Variants in SYK observed in about 807,000 individuals in gnomAD.
SYK encodes spleen associated tyrosine kinase, also known as tyrosine-protein kinase SYK.
A neutral mutation model predicts 77.8 loss-of-function variants in SYK; 16 were observed. The observed-to-expected ratio is 0.21, with a 90% CI of 0.14 to 0.31. The LOEUF is 0.31. SYK is among the 10% of genes least tolerant of loss of function. The probability of loss-of-function intolerance (pLI) is 1.00; values close to 1 mark genes in which losing one functional copy is unlikely to be tolerated. For synonymous variants in SYK, 312 were observed against 308.7 expected (o/e 1.01, Z -0.11); for missense variants, 529 against 814.4 (o/e 0.65, Z 4.26).
chr9:90,846,831 C>G (rs1826615961), intron 3 of SYK, among the ~76,000 whole-genome samples: 1 of 152,238 alleles, frequency 6.6e-6, no homozygotes, highest in South Asian at 2.1e-4. Flanking sequence ...GACATTGCCC[C>G]TCAGTGGAGG....
chr9:90,834,453 G>T (rs1480508765), intron 1 of SYK, among the ~76,000 whole-genome samples: 1 of 152,176 alleles, frequency 6.6e-6, no homozygotes, highest in Non-Finnish European at 1.5e-5. Flanking sequence ...GTCACACAAA[G>T]CTGGGCCGGG....
intron 1 of SYK, among the ~76,000 whole-genome samples, chr9:90,808,169 G>T (rs1022090971): frequency 6.6e-6 from 1 of 152,068 alleles, no homozygotes; most frequent in Admixed American, 6.5e-5. Flanking sequence ...AAACCATCAG[G>T]TTAATCTTTA....
intron 3 of SYK, among the ~76,000 whole-genome samples, chr9:90,855,003 C>CAT (rs1826967382): frequency 3.4e-4 from 32 of 94,968 alleles, no homozygotes; most frequent in African/African-American, 1.3e-3. Context: ...CTCACACACA[C>CAT]ACATACATAC....
intron 7 of SYK, among the ~76,000 whole-genome samples, chr9:90,869,877 G>A (rs769884987): frequency 6.6e-6 from 1 of 152,208 alleles, no homozygotes. Flanking sequence ...GGAGGCCGAG[G>A]CAGGTGGATC....
At chr9:90,867,285 G>T (rs56024319) in intron 7 of SYK, 86 bp downstream of exon 7, 32 of 1,347,224 alleles carry the variant, frequency 2.4e-5, no homozygotes, top group Non-Finnish European at 3.1e-5. Context: ...TGCCCTGTGT[G>T]TGCGCTGCCC....
At chr9:90,808,981 T>C (rs1247306487) in intron 1 of SYK, among the ~76,000 whole-genome samples, 1 of 152,224 alleles carries the variant, frequency 6.6e-6, no homozygotes, top group East Asian at 1.9e-4. Flanking sequence ...TAATACTGTT[T>C]TTCATGTTTC....
At chr9:90,819,191 G>C (rs1031263499) in intron 1 of SYK, among the ~76,000 whole-genome samples, 1 of 152,126 alleles carries the variant, frequency 6.6e-6, no homozygotes. Context: ...CACTCAAAAT[G>C]GATAAAGAAT....
Position 90,884,857 on chromosome 9 carries a change from G to A in SYK, c.1582-2892G>A, listed in dbSNP as rs1474495607. 7.5e-5 allele frequency among the ~76,000 whole-genome samples: 4 copies of A among 53,068 alleles called. 1 individual carries two copies. The highest frequency in any genetic ancestry group is 7.3e-4 in the Admixed American group (4 of 5,466). 34.8% of individuals were successfully genotyped at this position (53,068 alleles called of 152,430 possible). ...TGTATATACATATACACACATATGT[G>A]TGTATATACATATATACATATATAC... On this transcript the variant is annotated intron_variant, in intron 11 of 13. Coordinates refer to ENST00000375754, the MANE Select transcript of SYK (RefSeq NM_003177.7).
chr9:90,821,754 AT>A (rs1341496458), intron 1 of SYK, among the ~76,000 whole-genome samples: 2 of 152,042 alleles, frequency 1.3e-5, no homozygotes, highest in South Asian at 4.1e-4. Context: ...TTAGTGCCGT[AT>A]TTTTTGCATT....
rs1052760872 is a variant in SYK, at chr9:90,897,798, A to G, written c.*2198A>G. On this transcript the variant is annotated 3_prime_UTR_variant, in exon 14 of 14. Transcript: ENST00000375754. ...TCTCCTGAGCCTCTCTGCTTGGTGG[A>G]GCAGGCACCTGTGTGCAGAATTCCC... is the stretch of plus-strand genomic sequence containing the variant. 2.2e-5 allele frequency: 5 copies of G among 222,780 alleles called. No individual in the cohort carries two copies. Among genetic ancestry groups the G allele is most frequent in the Non-Finnish European group, 4.5e-5 (5 of 111,650 alleles). The allele number at this position is 222,780 out of a possible 1,614,324, so 13.8% of individuals were successfully genotyped here. A position where few individuals can be genotyped will look rare whatever the true frequency, so the allele number is the denominator to read the frequency against.
At chr9:90,886,471 C>T (rs1271432094) in intron 11 of SYK, among the ~76,000 whole-genome samples, 2 of 152,092 alleles carry the variant, frequency 1.3e-5, no homozygotes, top group East Asian at 1.9e-4. Context: ...TTTGGAAGCC[C>T]GAGGCAGGCA....
chr9:90,865,613 C>T (rs762586375), intron 6 of SYK, among the ~76,000 whole-genome samples: 8 of 152,082 alleles, frequency 5.3e-5, no homozygotes, highest in Non-Finnish European at 4.4e-5. Flanking sequence ...TCTGCCTAGC[C>T]ACATTTTCTT....
intron 1 of SYK, among the ~76,000 whole-genome samples, chr9:90,826,267 A>C (rs1029671932): frequency 1.3e-5 from 2 of 152,270 alleles, no homozygotes; most frequent in Admixed American, 1.3e-4. Flanking sequence ...CTGAGGCTCG[A>C]TGACCAGGTC....
chr9:90,892,278 A>G (rs541849183), intron 13 of SYK, among the ~76,000 whole-genome samples: 8 of 152,294 alleles, frequency 5.3e-5, no homozygotes, highest in African/African-American at 1.7e-4. Flanking sequence ...AGTGGAAGAT[A>G]AGGGATACTG....
At chr9:90,884,743 ACACATATACACATATGTGTACATG>A (rs1564122270) in intron 11 of SYK, among the ~76,000 whole-genome samples, 1 of 31,528 alleles carries the variant, frequency 3.2e-5, no homozygotes, top group Non-Finnish European at 4.8e-5. Context: ...ATGTACATAT[ACACATATACACATATGTGTACATG>A]CACATATACA....
intron 11 of SYK, among the ~76,000 whole-genome samples, chr9:90,886,693 T>C (rs1394443269): frequency 6.6e-6 from 1 of 151,668 alleles, no homozygotes; most frequent in African/African-American, 2.4e-5. Context: ...GGCGATAGAG[T>C]GAGACTCCAT....
intron 11 of SYK, among the ~76,000 whole-genome samples, chr9:90,881,022 G>T (rs905344417): frequency 6.6e-6 from 1 of 152,140 alleles, no homozygotes; most frequent in Non-Finnish European, 1.5e-5. Context: ...GGGCTGCCAG[G>T]CCTATAAAAC....
At chr9:90,808,930 C>T (rs934106905) in intron 1 of SYK, among the ~76,000 whole-genome samples, 5 of 152,232 alleles carry the variant, frequency 3.3e-5, no homozygotes, top group African/African-American at 1.2e-4. Flanking sequence ...ACTCATGGAA[C>T]ATCTCCTCAG....
chr9:90,842,671 TGTA>T (rs754760633), intron 1 of SYK, among the ~76,000 whole-genome samples: 11 of 151,506 alleles, frequency 7.3e-5, no homozygotes, highest in Non-Finnish European at 1.5e-4. Context: ...ATAGTGTGCA[TGTA>T]GTACATGGTG....
Sources: allele counts gnomAD v4.1 joint callset (sites outside exome capture counted in the v4.1 genomes callset), GRCh38; gene constraint gnomAD v4.1.1; transcripts MANE v1.5; gene names NCBI Gene and HGNC (gene_info 2026-07-23, HGNC 2026-07-21).